Variants in DPYD observed in about 807,000 individuals in gnomAD.
DPYD encodes the protein dihydropyrimidine dehydrogenase.
In DPYD, 109 loss-of-function variants were observed where a neutral mutation model predicts 116.2. That is an observed-to-expected ratio of 0.94 (90% CI 0.80 to 1.10). The LOEUF is 1.10. Ranked by LOEUF, DPYD falls within the 50% of genes least tolerant of loss-of-function variation. DPYD has a pLI of 0.00. For synonymous variants in DPYD, 440 were observed against 432.0 expected (o/e 1.02, Z -0.23); for missense variants, 1,302 against 1,254.5 (o/e 1.04, Z -0.57).
At chr1:97,654,892 G>A (rs933155744) in intron 8 of DPYD, among the ~76,000 whole-genome samples, 1 of 152,110 alleles carries the variant, frequency 6.6e-6, no homozygotes, top group South Asian at 2.1e-4. Context: ...CAGATGAAAA[G>A]TATGTCTTAC....
At chr1:97,652,095 C>T (rs1054692296) in intron 8 of DPYD, among the ~76,000 whole-genome samples, 23 of 151,786 alleles carry the variant, frequency 1.5e-4, no homozygotes, top group Admixed American at 1.1e-3. Flanking sequence ...GATGATCTTA[C>T]GGATCATGAG....
chr1:97,155,112 G>C (rs1395278455), intron 20 of DPYD, among the ~76,000 whole-genome samples: 1 of 152,018 alleles, frequency 6.6e-6, no homozygotes, highest in African/African-American at 2.4e-5. Flanking sequence ...CTCTTTGCAG[G>C]GAACGTATAT....
intron 3 of DPYD, among the ~76,000 whole-genome samples, chr1:97,795,268 C>CA (rs1667508234): frequency 6.6e-6 from 1 of 152,026 alleles, no homozygotes; most frequent in Admixed American, 6.6e-5. Context: ...CAGTTTACTA[C>CA]ATATTCACCA....
At chr1:97,751,458 GTGTATATATATA>G (rs1664901663) in intron 3 of DPYD, among the ~76,000 whole-genome samples, 1 of 22,048 alleles carries the variant, frequency 4.5e-5, no homozygotes, top group Non-Finnish European at 8.6e-5. Flanking sequence ...GTGTGTGTGT[GTGTATATATATA>G]TATATATATA....
chr1:97,558,624 G>A (rs1651916624), intron 11 of DPYD, among the ~76,000 whole-genome samples: 1 of 152,112 alleles, frequency 6.6e-6, no homozygotes, highest in Non-Finnish European at 1.5e-5. Flanking sequence ...ATACAGATCT[G>A]ATCTTCTCCC....
intron 21 of DPYD, among the ~76,000 whole-genome samples, chr1:97,091,011 CA>C (rs1462439071): frequency 1.3e-5 from 2 of 152,122 alleles, no homozygotes; most frequent in Admixed American, 1.3e-4. Context: ...GAAAAAAGAA[CA>C]AAAGATGAGA....
intron 11 of DPYD, among the ~76,000 whole-genome samples, chr1:97,558,817 TTA>T (rs1184954235): frequency 2.6e-5 from 4 of 152,198 alleles, no homozygotes; most frequent in African/African-American, 7.2e-5. Flanking sequence ...CTTGATCTGC[TTA>T]TGTCTCTGAA....
intron 18 of DPYD, among the ~76,000 whole-genome samples, chr1:97,288,610 C>T (rs987055145): frequency 2.1e-4 from 32 of 150,322 alleles, no homozygotes; most frequent in African/African-American, 7.8e-4. Context: ...GAAATGAAGG[C>T]AGAAATAAAG....
At chr1:97,476,764 C>A (rs1024450797) in intron 13 of DPYD, among the ~76,000 whole-genome samples, 5 of 152,030 alleles carry the variant, frequency 3.3e-5, no homozygotes, top group African/African-American at 1.2e-4. Flanking sequence ...ATGTCAACTA[C>A]AGGCACACCT....
chr1:97,712,477 C>T (rs951059211), intron 5 of DPYD, among the ~76,000 whole-genome samples: 1 of 151,816 alleles, frequency 6.6e-6, no homozygotes, highest in Middle Eastern at 3.2e-3. Context: ...ATTTTAAAGG[C>T]CTGATTATAA....
intron 18 of DPYD, among the ~76,000 whole-genome samples, chr1:97,248,503 G>A (rs144471794): frequency 5.6e-4 from 86 of 152,270 alleles, no homozygotes; most frequent in African/African-American, 2.0e-3. Context: ...CCAGTCTGAT[G>A]TATGTCTTTA....
chr1:97,241,714 C>T (rs1662350917), intron 18 of DPYD, among the ~76,000 whole-genome samples: 1 of 151,824 alleles, frequency 6.6e-6, no homozygotes, highest in South Asian at 2.1e-4. Flanking sequence ...GCAAGCTCCT[C>T]AACTTCCTAA....
chr1:97,692,736 A>G (rs1661077988), intron 6 of DPYD, among the ~76,000 whole-genome samples: 2 of 152,218 alleles, frequency 1.3e-5, no homozygotes, highest in Admixed American at 1.3e-4. Flanking sequence ...CACAAAAGAT[A>G]ATTACATTTA....
At chr1:97,464,623 G>A (rs1677209013) in intron 13 of DPYD, among the ~76,000 whole-genome samples, 1 of 152,200 alleles carries the variant, frequency 6.6e-6, no homozygotes, top group African/African-American at 2.4e-5. Flanking sequence ...TTGCTTCAGA[G>A]CGTGGAAGCC....
At chr1:97,867,211 G>T (rs1441915604) in intron 2 of DPYD, among the ~76,000 whole-genome samples, 1 of 151,716 alleles carries the variant, frequency 6.6e-6, no homozygotes, top group African/African-American at 2.4e-5. Flanking sequence ...GCCTGCTTCT[G>T]TCAGTCTGAT....
chr1:97,728,688 A>AT (rs1156870641), intron 4 of DPYD, among the ~76,000 whole-genome samples: 1 of 152,074 alleles, frequency 6.6e-6, no homozygotes, highest in Non-Finnish European at 1.5e-5. Flanking sequence ...AGAAGTTTGC[A>AT]TGTGTGAGAA....
Position 97,921,002 on chromosome 1 carries a change from G to A in DPYD, c.-80C>T. Reference sequence around the variant, plus strand: ...GCTCCAGCCAGAGAGCCAAGTGACAGCAGCCGGAGCGCGAGTCGAAAACAG... The same window carrying A: ...GCTCCAGCCAGAGAGCCAAGTGACAACAGCCGGAGCGCGAGTCGAAAACAG... On this transcript the variant is annotated 5_prime_UTR_variant, in exon 1 of 23. Transcript: ENST00000370192. The A allele has an allele frequency of 6.5e-7, 1 of 1,528,650 alleles. No individual in the cohort carries two copies. Among genetic ancestry groups the A allele is most frequent in the Non-Finnish European group, 8.9e-7 (1 of 1,127,634 alleles). 94.7% of individuals were successfully genotyped at this position (1,528,650 alleles called of 1,614,324 possible).
intron 11 of DPYD, among the ~76,000 whole-genome samples, chr1:97,550,543 G>C (rs1018102319): frequency 1.3e-5 from 2 of 152,184 alleles, no homozygotes; most frequent in Admixed American, 1.3e-4. Context: ...ATGCAATTTA[G>C]AGAAAGGGTT....
At chr1:97,456,687 G>A (rs903402232) in intron 13 of DPYD, among the ~76,000 whole-genome samples, 3 of 152,100 alleles carry the variant, frequency 2.0e-5, no homozygotes, top group African/African-American at 4.8e-5. Flanking sequence ...TGGCGTAATT[G>A]AGAGCTGGGC....
Sources: allele counts gnomAD v4.1 joint callset (sites outside exome capture counted in the v4.1 genomes callset), GRCh38; gene constraint gnomAD v4.1.1; transcripts MANE v1.5; gene names NCBI Gene and HGNC (gene_info 2026-07-23, HGNC 2026-07-21).